Variants in ATG7 observed in about 807,000 individuals in gnomAD.
ATG7 encodes autophagy related 7.
A neutral mutation model predicts 82.4 loss-of-function variants in ATG7; 70 were observed. That is an observed-to-expected ratio of 0.85 (90% CI 0.70 to 1.04). ATG7 has a LOEUF of 1.04. Among genes scored for constraint, ATG7 ranks in the 50% least tolerant of loss-of-function variants. ATG7 has a pLI of 0.00. For missense variants in ATG7, 792 were observed against 864.3 expected (o/e 0.92, Z 1.05); for synonymous variants, 287 against 313.0 (o/e 0.92, Z 0.88).
chr3:11,461,591 C>T (rs1485611758), intron 20 of ATG7, among the ~76,000 whole-genome samples: 1 of 152,174 alleles, frequency 6.6e-6, no homozygotes, highest in Admixed American at 6.5e-5. Flanking sequence ...CTCACTCTCT[C>T]TCTTAAATGT....
intron 5 of ATG7, among the ~76,000 whole-genome samples, chr3:11,301,441 C>G (rs558805297): frequency 6.6e-6 from 1 of 152,136 alleles, no homozygotes; most frequent in East Asian, 1.9e-4. Context: ...AATAAAGTGT[C>G]CCTAGAATTT....
intron 20 of ATG7, among the ~76,000 whole-genome samples, chr3:11,545,967 C>A (rs1311732035): frequency 6.6e-6 from 1 of 151,932 alleles, no homozygotes; most frequent in Non-Finnish European, 1.5e-5. Flanking sequence ...AGGGAGACCC[C>A]ATCTCCACAA....
In ATG7 at chr3:11,429,334, A is replaced by G. The variant is rs554463820; in HGVS notation, c.2079+2408A>G. Reference sequence around the variant, plus strand: ...AACATGGTGAAACCCCGTCTCTACTAAAAATGCAAAAATTAGTCGGGCATG... The same window carrying G: ...AACATGGTGAAACCCCGTCTCTACTGAAAATGCAAAAATTAGTCGGGCATG... On this transcript the variant is annotated intron_variant, in intron 20 of 20. Transcript: ENST00000693202. Among the ~76,000 whole-genome samples the G allele has an allele frequency of 9.2e-5, 14 of 152,142 alleles. No homozygotes were observed. The East Asian group carries it at 2.7e-3, about 30-fold the overall frequency.
intron 20 of ATG7, among the ~76,000 whole-genome samples, chr3:11,523,148 C>T (rs562219402): frequency 1.3e-5 from 2 of 152,286 alleles, no homozygotes; most frequent in South Asian, 2.1e-4. Flanking sequence ...CTGAGAACAT[C>T]CCCAGGTTGT....
At chr3:11,538,708 T>TAAG (rs1559815418) in intron 20 of ATG7, among the ~76,000 whole-genome samples, 1 of 57,092 alleles carries the variant, frequency 1.8e-5, no homozygotes, top group African/African-American at 8.3e-5. Flanking sequence ...AAAAAAAAAT[T>TAAG]AGCCAAAAAA....
At chr3:11,559,944 A>T (rs1035435785), downstream of ATG7, among the ~76,000 whole-genome samples, 10 of 152,130 alleles carry the variant, frequency 6.6e-5, no homozygotes, top group African/African-American at 2.4e-4. Context: ...GGCCTCAGTG[A>T]TGACCTACAA....
intron 20 of ATG7, among the ~76,000 whole-genome samples, chr3:11,518,389 A>C (rs1676034085): frequency 1.3e-5 from 2 of 152,100 alleles, no homozygotes; most frequent in South Asian, 4.2e-4. Flanking sequence ...TCTACTAAAA[A>C]TACAAAAATT....
At chr3:11,357,658 C>T (rs1346461716) in intron 14 of ATG7, among the ~76,000 whole-genome samples, 1 of 152,042 alleles carries the variant, frequency 6.6e-6, no homozygotes, top group Non-Finnish European at 1.5e-5. Flanking sequence ...ATGTTTAACA[C>T]TGAGGAAACA....
intron 19 of ATG7, among the ~76,000 whole-genome samples, chr3:11,393,851 T>C (rs1431848976): frequency 6.6e-6 from 1 of 152,046 alleles, no homozygotes; most frequent in Non-Finnish European, 1.5e-5. Context: ...AGGCTAATTG[T>C]TGTATATTTT....
At chr3:11,441,760 G>A (rs907043632) in intron 20 of ATG7, among the ~76,000 whole-genome samples, 5 of 149,586 alleles carry the variant, frequency 3.3e-5, no homozygotes, top group Non-Finnish European at 4.4e-5. Context: ...TCTGCCTCCC[G>A]GGTTCAAGCA....
rs371208293 is a variant in ATG7, at chr3:11,342,224, A to G, written c.1070A>G (p.Lys357Arg). 1 of 1,613,638 alleles carries G rather than the reference A, an allele frequency of 6.2e-7. No individual in the cohort carries two copies. The highest frequency in any genetic ancestry group is 1.7e-5 in the Admixed American group (1 of 59,986). Residue 357 changes from lysine (K) to arginine (R), a missense_variant, in exon 13 of 21, where the codon AAA becomes AGA. Coordinates refer to ENST00000693202, the MANE Select transcript of ATG7 (RefSeq NM_001349232.2). ...TLDLDKVVSV[K>R]CLLLGAGTLG... ...GACTTGGACAAGGTTGTGTCTGTCA[A>G]ATGTCTGCTGCTTGGAGCCGGCACC...
chr3:11,422,544 T>C (rs2082016527), intron 19 of ATG7, among the ~76,000 whole-genome samples: 5 of 152,172 alleles, frequency 3.3e-5, no homozygotes, highest in Admixed American at 3.3e-4. Context: ...GCTGGTTTGA[T>C]CTTCCAGATC....
chr3:11,471,089 T>TC (rs928229965), intron 20 of ATG7, among the ~76,000 whole-genome samples: 8 of 152,112 alleles, frequency 5.3e-5, no homozygotes, highest in African/African-American at 1.9e-4. Flanking sequence ...TTAGTCTCTG[T>TC]CCCCTCCAGG....
At chr3:11,482,165 A>G (rs2089071371) in intron 20 of ATG7, among the ~76,000 whole-genome samples, 1 of 152,196 alleles carries the variant, frequency 6.6e-6, no homozygotes, top group Admixed American at 6.5e-5. Flanking sequence ...TCCAACTGGA[A>G]AGTTCATGAG....
chr3:11,544,210 C>T (rs184713311), intron 20 of ATG7, among the ~76,000 whole-genome samples: 206 of 152,298 alleles, frequency 1.4e-3, no homozygotes, highest in African/African-American at 4.6e-3. Flanking sequence ...CCCCATGCTG[C>T]GATGGGGCTC....
At chr3:11,336,685 T>C (rs753074470) in intron 11 of ATG7, among the ~76,000 whole-genome samples, 11 of 152,148 alleles carry the variant, frequency 7.2e-5, no homozygotes, top group Non-Finnish European at 1.2e-4. Flanking sequence ...ATTTTATTTT[T>C]TGAGACAGGG....
intron 19 of ATG7, among the ~76,000 whole-genome samples, chr3:11,393,870 A>G (rs1023244111): frequency 6.6e-6 from 1 of 152,072 alleles, no homozygotes; most frequent in Non-Finnish European, 1.5e-5. Flanking sequence ...TTGTAGAGAT[A>G]GGGATTCGCC....
intron 3 of ATG7, among the ~76,000 whole-genome samples, chr3:11,283,857 G>T (rs1215480015): frequency 6.6e-6 from 1 of 152,112 alleles, no homozygotes; most frequent in South Asian, 2.1e-4. Context: ...GCTTGAACCC[G>T]GTAGACGGAG....
At chr3:11,334,036 A>ACC (rs1353842246) in intron 11 of ATG7, among the ~76,000 whole-genome samples, 1 of 152,074 alleles carries the variant, frequency 6.6e-6, no homozygotes, top group African/African-American at 2.4e-5. Flanking sequence ...GGCATGAGCC[A>ACC]CCGCTCCCGG....
Sources: allele counts gnomAD v4.1 joint callset (sites outside exome capture counted in the v4.1 genomes callset), GRCh38; gene constraint gnomAD v4.1.1; transcripts MANE v1.5; gene names NCBI Gene and HGNC (gene_info 2026-07-23, HGNC 2026-07-21).